HLA-DQB1: variants seen among roughly 807,000 people sequenced by gnomAD.
HLA-DQB1 encodes the protein HLA class II histocompatibility antigen, DQ beta 1 chain.
HLA-DQB1 carries 13 observed loss-of-function variants against 26.4 expected under a neutral mutation model. The ratio of observed to expected loss-of-function variants is 0.49; its 90% CI spans 0.32 to 0.78. HLA-DQB1 has a LOEUF of 0.78. HLA-DQB1 is among the 30% of genes least tolerant of loss of function. The pLI, the probability that HLA-DQB1 is intolerant of heterozygous loss-of-function variation, is 0.03. For synonymous variants in HLA-DQB1, 60 were observed against 129.1 expected (o/e 0.46, Z 3.63); for missense variants, 158 against 326.2 (o/e 0.48, Z 3.97).
chr6:32,665,512 C>T (rs281861670), intron 1 of HLA-DQB1, among the ~76,000 whole-genome samples: 3 of 138,344 alleles, frequency 2.2e-5, no homozygotes, highest in Non-Finnish European at 3.1e-5. Flanking sequence ...TTCTGACACG[C>T]GTATTCTCTT....
At chr6:32,660,270 T>A (rs281864454) in intron 4 of HLA-DQB1, 21 bp from the exon 5 acceptor site, 108,343 of 939,536 alleles carry the variant, frequency 0.12, 32,487 homozygotes, top group Admixed American at 0.36. Context: ...GAGAAGAGCA[T>A]TGATCAGCAC....
intron 4 of HLA-DQB1, chr6:32,660,698 T>C: frequency 4.4e-6 from 2 of 451,558 alleles, no homozygotes; most frequent in East Asian, 4.8e-5. Context: ...GGGAACAATG[T>C]CTGGAGATTC....
exon 1 of HLA-DQB1, chr6:32,666,566 C>A (rs750530800): frequency 8.4e-7 from 1 of 1,195,666 alleles, no homozygotes; most frequent in South Asian, 1.3e-5. Context: ...CAGTTGCTAC[C>A]CGAAGGTCTC....
chr6:32,661,837 A>AAT, intron 3 of HLA-DQB1, 130 bp downstream of exon 3: 2 of 747,954 alleles, frequency 2.7e-6, no homozygotes, highest in South Asian at 2.0e-5. Context: ...GCCATGGAGC[A>AAT]AGAGGTGCTC....
intron 1 of HLA-DQB1, 28 bp from the exon 2 acceptor site, chr6:32,665,095 A>AGGCCCCGGCCC (rs140753437): frequency 0.27 from 305,523 of 1,143,810 alleles, 82,182 homozygotes; most frequent in Admixed American, 0.43. Context: ...CCGGTCAGTC[A>AGGCCCCGGCCC]GGCCCCAGCC....
chr6:32,665,728 A>AT (rs370481100), intron 1 of HLA-DQB1, among the ~76,000 whole-genome samples: 24,954 of 139,044 alleles, frequency 0.18, 3,352 homozygotes, highest in African/African-American at 0.2. Context: ...CAGGTTATGT[A>AT]ACAGAATATC....
chr6:32,661,176 C>T lies in HLA-DQB1; in HGVS notation c.772+171G>A, dbSNP rs9273556. 3.7e-5 allele frequency among the ~76,000 whole-genome samples: 4 copies of T among 108,450 alleles called. 1 individual carries two copies. Among genetic ancestry groups the T allele is most frequent in the African/African-American group, 9.7e-5 (3 of 30,780 alleles). The allele number at this position is 108,450 out of a possible 152,430, so 71.1% of individuals were successfully genotyped here. On this transcript the variant is annotated intron_variant, in intron 4 of 4. Coordinates refer to ENST00000434651, the Ensembl canonical transcript of HLA-DQB1. ...GCTCTATCAGTCAGCTCTGTGACAGCGCTACCTTTCAACCAGTAAAATCAG... is the reference window on the plus strand; with the variant it reads ...GCTCTATCAGTCAGCTCTGTGACAGTGCTACCTTTCAACCAGTAAAATCAG...
chr6:32,663,054 T>A (rs281863587), intron 2 of HLA-DQB1: 1 of 149,090 alleles, frequency 6.7e-6, no homozygotes, highest in African/African-American at 2.5e-5. Context: ...GCACCCCAAT[T>A]AAATGGCACT....
chr6:32,664,962 A>G (rs1355568787), exon 2 of HLA-DQB1: 1 of 1,367,440 alleles, frequency 7.3e-7, no homozygotes, highest in South Asian at 1.2e-5. Context: ...GTCGCTGTCG[A>G]AGCGCGCGTA....
chr6:32,660,248 C>T lies in HLA-DQB1; in HGVS notation c.774G>A (p.Gly258=). The stretch of plus-strand genomic sequence containing the variant: ...ATAGTCTCAGGAGTCAGTGCAGAAG[C>T]CCTGGAGAAGAGAGAAGAGCATTGA... The change falls in exon 5 of 5, where the codon GGG becomes GGA. Residue 258 remains glycine (G), a splice_region_variant and synonymous_variant. Transcript: ENST00000434651. 1.9e-6 allele frequency: 2 copies of T among 1,028,392 alleles called. 1 individual carries two copies. Among genetic ancestry groups the T allele is most frequent in the Non-Finnish European group, 2.8e-6 (2 of 723,830 alleles). 63.7% of individuals were successfully genotyped at this position (1,028,392 alleles called of 1,614,324 possible).
At chr6:32,661,672 A>C (rs9273782) in intron 3 of HLA-DQB1, 1 of 425,426 alleles carries the variant, frequency 2.4e-6, no homozygotes. Flanking sequence ...GCTCTTCAAG[A>C]ACTCATCCAT....
At chr6:32,660,964 C>CTTAA (rs281864360) in intron 4 of HLA-DQB1, 373,848 of 763,350 alleles carry the variant, frequency 0.49, 102,836 homozygotes, top group Admixed American at 0.69. Flanking sequence ...ACACACATGA[C>CTTAA]TTAGAGTTAC....
intron 3 of HLA-DQB1, 48 bp from the exon 4 acceptor site, chr6:32,661,505 A>C (rs9273696): frequency 9.8e-7 from 1 of 1,017,664 alleles, no homozygotes; most frequent in Non-Finnish European, 1.4e-6. Flanking sequence ...ACCCCATAGC[A>C]TCCCTGCTGA....
intron 2 of HLA-DQB1, chr6:32,662,840 A>T (rs281863736): frequency 0.12 from 15,687 of 131,822 alleles, 1,888 homozygotes; most frequent in Middle Eastern, 0.18. Flanking sequence ...TTTCTTTTTA[A>T]CGCACAAGTG....
chr6:32,666,317 T>C (rs28746841), intron 1 of HLA-DQB1, among the ~76,000 whole-genome samples, 182 bp downstream of exon 1: 28,145 of 150,872 alleles, frequency 0.19, 3,011 homozygotes, highest in East Asian at 0.32. Flanking sequence ...GGGGATTGGA[T>C]TGTCCTCATC....
exon 1 of HLA-DQB1, chr6:32,666,574 C>T: frequency 8.4e-7 from 1 of 1,189,398 alleles, no homozygotes; most frequent in Non-Finnish European, 1.2e-6. Flanking sequence ...ACCCGAAGGT[C>T]TCCGGGGATC....
At chr6:32,660,289 C>CGA in intron 4 of HLA-DQB1, 40 bp from the exon 5 acceptor site, 1 of 996,514 alleles carries the variant, frequency 1.0e-6, no homozygotes, top group South Asian at 1.7e-5. Context: ...ACAGGGTATC[C>CGA]TGGTGGGCCT....
At chr6:32,661,653 C>T (rs9273766) in intron 3 of HLA-DQB1, 196 bp from the exon 4 acceptor site, 14,766 of 422,340 alleles carry the variant, frequency 0.035, 3,745 homozygotes, top group East Asian at 0.27. Context: ...AGTGGGGAAG[C>T]AAATCTCTGC....
chr6:32,665,093 T>TCGGGCCCCGGC, intron 1 of HLA-DQB1, 26 bp from the exon 2 acceptor site: 1 of 1,111,690 alleles, frequency 9.0e-7, no homozygotes, highest in Non-Finnish European at 1.2e-6. Flanking sequence ...GGCCGGTCAG[T>TCGGGCCCCGGC]CAGGCCCCAG....
Sources: allele counts gnomAD v4.1 joint callset (sites outside exome capture counted in the v4.1 genomes callset), GRCh38; gene constraint gnomAD v4.1.1; transcripts MANE v1.5; gene names NCBI Gene and HGNC (gene_info 2026-07-23, HGNC 2026-07-21).